The following NBR1 variants were observed in gnomAD, a reference collection of about 807,000 sequenced individuals.
NBR1 encodes next to BRCA1 gene 1 protein.
In NBR1, 59 loss-of-function variants were observed where a neutral mutation model predicts 115.5. The observed-to-expected ratio is 0.51, with a 90% CI of 0.41 to 0.63. The LOEUF is 0.63. NBR1 is among the 30% of genes least tolerant of loss of function. NBR1 has a pLI of 0.00. For synonymous variants in NBR1, 373 were observed against 414.7 expected (o/e 0.90, Z 1.22); for missense variants, 1,043 against 1,150.5 (o/e 0.91, Z 1.35).
chr17:43,193,016 G>T (rs2056983871), intron 10 of NBR1, 78 bp from the exon 11 acceptor site: 2 of 1,426,224 alleles, frequency 1.4e-6, no homozygotes, highest in East Asian at 2.3e-5. Context: ...GTCACAGTCA[G>T]ACTCTCAAGC....
intron 18 of NBR1, 116 bp from the exon 19 acceptor site, chr17:43,202,539 A>C: frequency 1.6e-6 from 1 of 615,050 alleles, no homozygotes; most frequent in Non-Finnish European, 2.7e-6. Flanking sequence ...AAAAAAAAAA[A>C]GACTTCAAAC....
chr17:43,205,877 C>CAAAAAAAAAA (rs71361507), intron 20 of NBR1, among the ~76,000 whole-genome samples: 1 of 58,696 alleles, frequency 1.7e-5, no homozygotes, highest in Non-Finnish European at 3.1e-5. Flanking sequence ...GACCATGTCT[C>CAAAAAAAAAA]AAAAAAAAAA....
chr17:43,185,613 A>T (rs1008060267), intron 5 of NBR1, among the ~76,000 whole-genome samples: 4 of 152,132 alleles, frequency 2.6e-5, no homozygotes, highest in Admixed American at 6.6e-5. Context: ...AGGTGGGAAG[A>T]TCGCTTGAGC....
intron 16 of NBR1, 142 bp from the exon 17 acceptor site, chr17:43,200,025 G>A (rs2057159552): frequency 4.5e-6 from 3 of 672,646 alleles, no homozygotes; most frequent in Non-Finnish European, 7.5e-6. Context: ...CATAGTTCCA[G>A]AACCAGCCCT....
chr17:43,180,747 T>C (rs968241451), intron 4 of NBR1, 48 bp from the exon 5 acceptor site: 2 of 1,410,716 alleles, frequency 1.4e-6, no homozygotes, highest in African/African-American at 3.0e-5. Context: ...ATAGAATCTT[T>C]TGGGGTGTGT....
intron 16 of NBR1, among the ~76,000 whole-genome samples, chr17:43,197,780 A>C (rs1383231510): frequency 6.6e-6 from 1 of 152,188 alleles, no homozygotes; most frequent in Non-Finnish European, 1.5e-5. Flanking sequence ...TGCTTTCTCC[A>C]AGGGCAGCAG....
intron 12 of NBR1, 92 bp from the exon 13 acceptor site, chr17:43,194,258 A>G: frequency 1.8e-6 from 2 of 1,136,692 alleles, no homozygotes; most frequent in Non-Finnish European, 2.5e-6. Context: ...ATATGGAGGT[A>G]CAGCAGCGTT....
chr17:43,195,378 A>C (rs1418740184), intron 14 of NBR1: 1 of 290,642 alleles, frequency 3.4e-6, no homozygotes, highest in Non-Finnish European at 6.5e-6. Flanking sequence ...GTGGCCAGGC[A>C]CGGTGGCTCA....
In NBR1 at chr17:43,185,795, G is replaced by A. The variant is rs538944568; in HGVS notation, c.208-455G>A. ...GTGGATCACCTGAGGTCGGGAGTTC[G>A]AGACCAGCCTAGCCAACATAGTGAA... On this transcript the variant is annotated intron_variant, in intron 5 of 20. Transcript: ENST00000590996. Among the ~76,000 whole-genome samples, 44 of 152,166 alleles carry A rather than the reference G, an allele frequency of 2.9e-4. No homozygotes were observed. The South Asian group carries it at 8.3e-3, about 29-fold the overall frequency.
In NBR1 at chr17:43,209,903, A is replaced by G; in HGVS notation, c.2730A>G (p.Pro910=). 1 of 1,534,440 alleles carries G rather than the reference A, an allele frequency of 6.5e-7. No homozygotes were observed. The highest frequency in any genetic ancestry group is 1.2e-5 in the South Asian group (1 of 80,168). The part of the protein sequence containing the change: ...LFAGPPVTAQ[P]IISEDQTAAL... ...TTGCTTTGCTTGTCTCTACACAGCC[A>G]ATAATTTCTGAAGATCAGACAGCAG... The change falls in exon 21 of 21, where the codon CCA becomes CCG. Residue 910 remains proline (P), a splice_region_variant and synonymous_variant. Transcript: ENST00000590996.
intron 20 of NBR1, chr17:43,209,523 TCCC>T (rs1306104551): frequency 6.8e-7 from 1 of 1,474,538 alleles, no homozygotes; most frequent in Non-Finnish European, 9.2e-7. Flanking sequence ...TGCTCATACT[TCCC>T]CCATCATCAC....
intron 20 of NBR1, chr17:43,209,667 T>C: frequency 6.5e-7 from 1 of 1,535,516 alleles, no homozygotes; most frequent in Non-Finnish European, 8.7e-7. Context: ...GCTCCCCGGT[T>C]TCCCTTTTCT....
At chr17:43,174,991 C>T (rs903907571) in intron 1 of NBR1, among the ~76,000 whole-genome samples, 3 of 151,280 alleles carry the variant, frequency 2.0e-5, no homozygotes, top group Admixed American at 6.6e-5. Flanking sequence ...CCCAGCTACT[C>T]GAGAGGCTGA....
At chr17:43,171,648 G>A (rs2056373077) in intron 1 of NBR1, among the ~76,000 whole-genome samples, 1 of 152,196 alleles carries the variant, frequency 6.6e-6, no homozygotes, top group Admixed American at 6.5e-5. Context: ...AAAACTGGAA[G>A]ACTAGGATGA....
Position 43,191,378 on chromosome 17 carries a change from G to C in NBR1, c.870G>C (p.Gln290His). 6.2e-7 allele frequency: 1 copy of C among 1,611,470 alleles called. No homozygotes were observed. ...TGCTTTTATTATCTCACAGGCTCCA[G>C]AAACAGGTTGATAAGAACTTTCTTA... ...LPAALEQVRL[Q>H]KQVDKNFLKA... Residue 290 changes from glutamine to histidine, a missense_variant, in exon 10 of 21, where the codon CAG (glutamine) becomes CAC (histidine). Gln to His is a conservative substitution (Grantham distance 24). Transcript: ENST00000590996.
chr17:43,207,406 G>A (rs2057337913), intron 20 of NBR1, among the ~76,000 whole-genome samples: 1 of 152,152 alleles, frequency 6.6e-6, no homozygotes, highest in Admixed American at 6.6e-5. Flanking sequence ...CATCCAGGCT[G>A]GAGTGCAATA....
chr17:43,202,792 G>A (rs770044169), intron 19 of NBR1, 80 bp downstream of exon 19: 9 of 1,104,152 alleles, frequency 8.2e-6, no homozygotes, highest in Non-Finnish European at 1.2e-5. Context: ...GCCTCTCACA[G>A]TATGTACCCA....
intron 13 of NBR1, 62 bp downstream of exon 13, chr17:43,194,561 G>A: frequency 6.3e-7 from 1 of 1,582,332 alleles, no homozygotes; most frequent in Non-Finnish European, 8.6e-7. Flanking sequence ...AGAGAAGGTG[G>A]TAGAGCCATA....
rs1337081434 is a variant in NBR1 at position 43,209,973 on chromosome 17, C to T, written c.2800C>T (p.Leu934=). 6 of 1,612,226 alleles carry T rather than the reference C, an allele frequency of 3.7e-6. No homozygotes were observed. Among genetic ancestry groups the T allele is most frequent in the East Asian group, 4.5e-5 (2 of 44,836 alleles). ...LFEMGFCDRQ[L]NLRLLKKHNY... ...TGAAATGGGATTCTGTGACAGGCAG[C>T]TGAACCTACGGCTGCTGAAGAAACA... Residue 934 remains leucine (L), a synonymous_variant, in exon 21 of 21, where the codon CTG becomes TTG. Transcript: ENST00000590996.
Sources: allele counts gnomAD v4.1 joint callset (sites outside exome capture counted in the v4.1 genomes callset), GRCh38; gene constraint gnomAD v4.1.1; transcripts MANE v1.5; gene names NCBI Gene and HGNC (gene_info 2026-07-23, HGNC 2026-07-21).